COQ2: variants seen among roughly 807,000 people sequenced by gnomAD.
COQ2 encodes the protein coenzyme Q2, polyprenyltransferase.
Under a neutral mutation model 35.7 loss-of-function variants are expected in COQ2, and 25 were observed. That is an observed-to-expected ratio of 0.70 (90% confidence interval 0.51 to 0.98). The LOEUF is 0.98. COQ2 is among the 50% of genes least tolerant of loss of function. The pLI is 0.00. For missense variants in COQ2, 488 were observed against 473.5 expected (o/e 1.03, Z -0.28); for synonymous variants, 206 against 186.2 (o/e 1.11, Z -0.86).
intron 3 of COQ2, among the ~76,000 whole-genome samples, chr4:83,272,625 A>G (rs1735075041): frequency 6.6e-6 from 1 of 152,220 alleles, no homozygotes; most frequent in African/African-American, 2.4e-5. Flanking sequence ...CTGGCTCCAG[A>G]GTCCAACCTA....
upstream of COQ2, chr4:83,284,818 G>T: frequency 6.4e-7 from 1 of 1,566,610 alleles, no homozygotes; most frequent in Non-Finnish European, 8.6e-7. Flanking sequence ...CGGCAGGCAT[G>T]CGCAGTGGCA....
chr4:83,280,990 C>T (rs77776680), intron 1 of COQ2, among the ~76,000 whole-genome samples: 240 of 152,330 alleles, frequency 1.6e-3, no homozygotes, highest in African/African-American at 5.5e-3. Flanking sequence ...CAGGGTCTCG[C>T]TCTCTTGCCG....
intron 6 of COQ2, 88 bp from the exon 7 acceptor site, chr4:83,264,451 A>G (rs1734863119): frequency 2.1e-6 from 3 of 1,461,226 alleles, no homozygotes; most frequent in African/African-American, 1.5e-5. Flanking sequence ...AGGAGAAAAC[A>G]GCAAATACAA....
At chr4:83,276,016 T>TAA (rs1355810168) in intron 2 of COQ2, among the ~76,000 whole-genome samples, 3,234 of 62,232 alleles carry the variant, frequency 0.052, 146 homozygotes, top group African/African-American at 0.12. Flanking sequence ...ATATTATATA[T>TAA]AATATATATT....
At chr4:83,267,546 A>C (rs1436485011) in intron 6 of COQ2, 40 bp downstream of exon 6, 28 of 1,492,432 alleles carry the variant, frequency 1.9e-5, no homozygotes, top group Non-Finnish European at 2.3e-5. Flanking sequence ...TATAATTTAT[A>C]CCAAGGAAAT....
Position 83,284,616 on chromosome 4 carries a change from T to G in COQ2, c.149A>C (p.Glu50Ala). ...GGDLQPPACP[E>A]PRGRQLSLSA... Reference sequence around the variant, plus strand: ...CAAACTGAGCTGGCGCCCGCGCGGCTCGGGACAGGCGGGGGGCTGCAAGTC... The same window carrying G: ...CAAACTGAGCTGGCGCCCGCGCGGCGCGGGACAGGCGGGGGGCTGCAAGTC... The change falls in exon 1 of 7, where the codon GAG (glutamate) becomes GCG (alanine). Residue 50 changes from glutamate to alanine, a missense_variant. Coordinates refer to ENST00000647002, the MANE Select transcript of COQ2 (RefSeq NM_001358921.2). 6.5e-7 allele frequency: 1 copy of G among 1,528,918 alleles called. No individual in the cohort carries two copies. The allele number at this position is 1,528,918 out of a possible 1,614,324, so 94.7% of individuals were successfully genotyped here.
chr4:83,281,020 A>C (rs1735307765), intron 1 of COQ2, among the ~76,000 whole-genome samples: 1 of 152,190 alleles, frequency 6.6e-6, no homozygotes, highest in Non-Finnish European at 1.5e-5. Flanking sequence ...TGCAGTAACA[A>C]GGTCATAGTT....
At chr4:83,268,100 AT>A (rs1734966532) in intron 5 of COQ2, among the ~76,000 whole-genome samples, 3 of 152,300 alleles carry the variant, frequency 2.0e-5, no homozygotes, top group Admixed American at 1.3e-4. Flanking sequence ...ACTCTTAACC[AT>A]ATTTTTAGTG....
chr4:83,284,241 G>A (rs113386194), intron 1 of COQ2: 2 of 985,460 alleles, frequency 2.0e-6, no homozygotes. Context: ...TGAAACTGGC[G>A]GGTCCTTTAG....
At position 83,279,028 on chromosome 4, in the gene COQ2, G is replaced by T; in HGVS notation, c.340C>A (p.Leu114Ile). 1 of 1,604,812 alleles carries T rather than the reference G, an allele frequency of 6.2e-7. No individual in the cohort carries two copies. The part of the protein sequence containing the change: ...GCFPDWYMLS[L>I]FGTGAILMRG... ...ATCAGAATAGCTCCAGTGCCAAAGA[G>T]GGAGAGCATGTACCAATCTGGAAAA... The change falls in exon 2 of 7, where the codon CTC (leucine) becomes ATC (isoleucine). Residue 114 changes from leucine (L) to isoleucine (I), a missense_variant. Physicochemically the swap from Leu to Ile is conservative, Grantham distance 5 (BLOSUM62 2). Transcript: ENST00000647002.
chr4:83,279,017 A>G lies in COQ2; in HGVS notation c.351T>C (p.Thr117=). The G allele has an allele frequency of 6.2e-7, 1 of 1,607,776 alleles. No homozygotes were observed. The highest frequency in any genetic ancestry group is 1.1e-5 in the South Asian group (1 of 89,584). Residue 117 remains threonine, a synonymous_variant, in exon 2 of 7, where the codon ACT becomes ACC. Transcript: ENST00000647002. ...PDWYMLSLFG[T]GAILMRGAGC... is the part of the protein sequence containing the mutation. ...CTGCTCCACGCATCAGAATAGCTCC[A>G]GTGCCAAAGAGGGAGAGCATGTACC...
chr4:83,273,435 T>C, intron 3 of COQ2, 61 bp downstream of exon 3: 1 of 1,500,032 alleles, frequency 6.7e-7, no homozygotes, highest in Non-Finnish European at 9.1e-7. Flanking sequence ...TTCATTTTAT[T>C]CCTATTTTCT....
chr4:83,278,891 T>C, intron 2 of COQ2, 57 bp downstream of exon 2: 4 of 1,455,430 alleles, frequency 2.7e-6, no homozygotes, highest in South Asian at 3.0e-5. Flanking sequence ...GTGATACCAC[T>C]ATGTTATTCT....
At chr4:83,278,915 G>A (rs1735245292) in intron 2 of COQ2, 33 bp downstream of exon 2, 7 of 1,531,998 alleles carry the variant, frequency 4.6e-6, no homozygotes, top group East Asian at 2.4e-5. Context: ...GAATTGAGAA[G>A]AGCCTCTCTA....
intron 1 of COQ2, 120 bp downstream of exon 1, chr4:83,284,392 C>T: frequency 7.0e-7 from 1 of 1,421,436 alleles, no homozygotes; most frequent in Non-Finnish European, 9.2e-7. Flanking sequence ...GGCAGCCAAG[C>T]CCAAGCTTTC....
Position 83,284,626 on chromosome 4 carries a change from C to CG in COQ2, c.138dup (p.Ala47ArgfsTer56), listed in dbSNP as rs759310292. 7.1e-5 allele frequency: 107 copies of CG among 1,514,504 alleles called. No individual in the cohort carries two copies. Among genetic ancestry groups the CG allele is most frequent in the African/African-American group, 1.5e-5 (1 of 68,858 alleles). The allele number at this position is 1,514,504 out of a possible 1,614,324, so 93.8% of individuals were successfully genotyped here. A position where few individuals can be genotyped will look rare whatever the true frequency, so the allele number is the denominator to read the frequency against. ...TGGCGCCCGCGCGGCTCGGGACAGG[C>CG]GGGGGGCTGCAAGTCACCACCGTGG... On this transcript the variant is annotated frameshift_variant, in exon 1 of 7. Transcript: ENST00000647002. LOFTEE classifies it high-confidence loss of function.
chr4:83,265,565 G>A (rs1034924842), intron 6 of COQ2, among the ~76,000 whole-genome samples: 5 of 149,154 alleles, frequency 3.4e-5, no homozygotes, highest in African/African-American at 1.3e-4. Flanking sequence ...ACAGAGGGAA[G>A]ACTCTGTTTC....
Position 83,267,695 on chromosome 4 carries a change from C to A in COQ2, c.842G>T (p.Gly281Val), listed in dbSNP as rs753059697. The change falls in exon 6 of 7, where the codon GGC (glycine) becomes GTC (valine). Residue 281 changes from glycine (G) to valine (V), a missense_variant. By Grantham distance (109) the Gly-to-Val change is moderately radical. Transcript: ENST00000647002. ...FGENTKPWLSGFSVAMLGALS... is the reference protein window; with the variant it reads ...FGENTKPWLSVFSVAMLGALS... ...TGCCCCCAGCATTGCAACACTGAAGCCGCTGAGCCACGGCTTGGTATTTTC... is the reference window on the plus strand; with the variant it reads ...TGCCCCCAGCATTGCAACACTGAAGACGCTGAGCCACGGCTTGGTATTTTC... 1.5e-5 allele frequency: 23 copies of A among 1,557,458 alleles called. No homozygotes were observed. The highest frequency in any genetic ancestry group is 7.8e-5 in the Admixed American group (4 of 51,548).
chr4:83,276,611 AG>A (rs895415537), intron 2 of COQ2, among the ~76,000 whole-genome samples: 4 of 152,232 alleles, frequency 2.6e-5, no homozygotes, highest in African/African-American at 4.8e-5. Context: ...GCTGTAAATT[AG>A]TACAATCTCT....
Sources: allele counts gnomAD v4.1 joint callset (sites outside exome capture counted in the v4.1 genomes callset), GRCh38; gene constraint gnomAD v4.1.1; transcripts MANE v1.5; gene names NCBI Gene and HGNC (gene_info 2026-07-23, HGNC 2026-07-21).